PPME1: variants seen among roughly 807,000 people sequenced by gnomAD.
The protein encoded by PPME1 is protein phosphatase methylesterase 1.
In PPME1, 17 loss-of-function variants were observed where a neutral mutation model predicts 56.9. The ratio of observed to expected loss-of-function variants is 0.30; its 90% CI spans 0.20 to 0.45. The LOEUF (loss-of-function observed/expected upper bound fraction) is 0.45. Among genes scored for constraint, PPME1 ranks in the 20% least tolerant of loss-of-function variants. The pLI, the probability that PPME1 is intolerant of heterozygous loss-of-function variation, is 1.00. For synonymous variants in PPME1, 122 were observed against 156.2 expected (o/e 0.78, Z 1.63); for missense variants, 357 against 483.2 (o/e 0.74, Z 2.45).
chr11:74,224,343 G>A (rs1858879097), intron 4 of PPME1, among the ~76,000 whole-genome samples: 1 of 137,512 alleles, frequency 7.3e-6, no homozygotes, highest in African/African-American at 3.0e-5. Context: ...TTTGGTTACT[G>A]TAGCCTTGTA....
At position 74,171,415 on chromosome 11, in the gene PPME1, C is replaced by T. The variant is rs952840443; in HGVS notation, c.-7C>T. The T allele has an allele frequency of 6.2e-7, 1 of 1,609,090 alleles. No individual in the cohort carries two copies. The highest frequency in any genetic ancestry group is 1.3e-5 in the African/African-American group (1 of 74,962). ...CTGTTTGACTACGTGCGTGCAGCCT[C>T]CCCTCGATGTCGGCCCTCGAAAAGA... On this transcript the variant is annotated 5_prime_UTR_variant, in exon 1 of 14. Coordinates refer to ENST00000328257, the MANE Select transcript of PPME1 (RefSeq NM_016147.3).
chr11:74,247,373 G>A, intron 11 of PPME1: 4 of 419,982 alleles, frequency 9.5e-6, no homozygotes, highest in Admixed American at 8.2e-5. Context: ...CTATGTCTCA[G>A]TTATAAGAGT....
chr11:74,239,155 G>A lies in PPME1; in HGVS notation c.733G>A (p.Glu245Lys). 6.2e-7 allele frequency: 1 copy of A among 1,613,568 alleles called. No individual in the cohort carries two copies. Among genetic ancestry groups the A allele is most frequent in the Non-Finnish European group, 8.5e-7 (1 of 1,179,688 alleles). Residue 245 changes from glutamate (E) to lysine (K), a missense_variant, in exon 9 of 14, where the codon GAA becomes AAA. This residue lies in a region of PPME1 where 182 missense variants were observed against 293.8 expected (regional missense o/e 0.62). Transcript: ENST00000328257. ...VKQCEGITSP[E>K]GSKSIVEGII... ...TAGGTGTGAAGGAATTACAAGTCCA[G>A]AAGGCTCAAAATCTATAGTGGAAGG...
At chr11:74,175,601 C>T (rs1467233442) in intron 1 of PPME1, among the ~76,000 whole-genome samples, 1 of 151,692 alleles carries the variant, frequency 6.6e-6, no homozygotes, top group Non-Finnish European at 1.5e-5. Context: ...GGCTGAAGTA[C>T]AGTGGCTTTT....
intron 1 of PPME1, among the ~76,000 whole-genome samples, chr11:74,190,569 C>G (rs1857808571): frequency 6.6e-6 from 1 of 152,202 alleles, no homozygotes; most frequent in Non-Finnish European, 1.5e-5. Flanking sequence ...ATCAATTACC[C>G]AGCCTCAAGT....
At chr11:74,214,675 A>T (rs1290020813) in intron 3 of PPME1, among the ~76,000 whole-genome samples, 2 of 144,760 alleles carry the variant, frequency 1.4e-5, no homozygotes, top group African/African-American at 5.4e-5. Flanking sequence ...TAACATATTT[A>T]AAATGCTGAA....
Position 74,250,978 on chromosome 11 carries a change from C to G in PPME1, c.1034C>G (p.Pro345Arg). The G allele has an allele frequency of 6.2e-7, 1 of 1,602,056 alleles. No homozygotes were observed. Among genetic ancestry groups the G allele is most frequent in the Non-Finnish European group, 8.5e-7 (1 of 1,174,300 alleles). The change falls in exon 12 of 14, where the codon CCC becomes CGC. Residue 345 changes from proline (P) to arginine (R), a missense_variant. Around this residue, in one of 2 missense-constraint regions of PPME1, gnomAD observed 182 missense variants for 293.8 expected, o/e 0.62. Coordinates refer to ENST00000328257, the MANE Select transcript of PPME1 (RefSeq NM_016147.3). ...MQGKFQMQVL[P>R]QCGHAVHEDA... ...GGGAAGTTCCAGATGCAGGTCCTAC[C>G]CCAGTGTGGCCATGCAGTCCATGAG...
chr11:74,180,128 C>G (rs1591013500), intron 1 of PPME1, among the ~76,000 whole-genome samples: 1 of 152,134 alleles, frequency 6.6e-6, no homozygotes, highest in Admixed American at 6.5e-5. Context: ...TTCCTCCTTC[C>G]CTTTCTCCCC....
intron 1 of PPME1, among the ~76,000 whole-genome samples, chr11:74,177,672 C>G (rs932110094): frequency 9.9e-5 from 15 of 151,988 alleles, no homozygotes; most frequent in African/African-American, 3.6e-4. Flanking sequence ...CACAAATAAA[C>G]TTTCTAATCC....
intron 1 of PPME1, among the ~76,000 whole-genome samples, chr11:74,176,733 T>C (rs1376058325): frequency 2.1e-5 from 3 of 146,310 alleles, no homozygotes. Flanking sequence ...TTTTTTTTTT[T>C]TTTTTTTTTT....
chr11:74,179,492 C>G (rs1203354416), intron 1 of PPME1, among the ~76,000 whole-genome samples: 1 of 152,196 alleles, frequency 6.6e-6, no homozygotes, highest in Non-Finnish European at 1.5e-5. Context: ...GAGACCCTAT[C>G]TCTAAAAATA....
At position 74,224,470 on chromosome 11, in the gene PPME1, A is replaced by G. The variant is rs1356923587; in HGVS notation, c.347-735A>G. 3.9e-3 allele frequency among the ~76,000 whole-genome samples: 474 copies of G among 121,788 alleles called. 2 individuals carry two copies. Among genetic ancestry groups the G allele is most frequent in the Non-Finnish European group, 6.3e-3 (388 of 61,492 alleles). The allele number at this position is 121,788 out of a possible 152,430, so 79.9% of individuals were successfully genotyped here. A position where few individuals can be genotyped will look rare whatever the true frequency, so the allele number is the denominator to read the frequency against. ...ATGAACTTTAAAGTAGTTTTTTCCA[A>G]TTCTGTGAAGAAAGTCATTGGTAGC... On this transcript the variant is annotated intron_variant, in intron 4 of 13. Coordinates refer to ENST00000328257, the MANE Select transcript of PPME1 (RefSeq NM_016147.3).
In PPME1 at chr11:74,171,469, C is replaced by T. The variant is rs1014706627; in HGVS notation, c.48C>T (p.Arg16=). Residue 16 remains arginine (R), a synonymous_variant, in exon 1 of 14, where the codon CGC becomes CGT. Coordinates refer to ENST00000328257, the MANE Select transcript of PPME1 (RefSeq NM_016147.3). ...KSMHLGRLPS[R]PPLPGSGGSQ... is the part of the protein sequence containing the mutation. ...TGCACCTCGGCCGCCTTCCCTCTCG[C>T]CCACCTCTACCCGGCAGCGGGGGCA... 3 of 1,613,434 alleles carry T rather than the reference C, an allele frequency of 1.9e-6. No individual in the cohort carries two copies. In the South Asian group the frequency reaches 3.3e-5, roughly 18 times the overall value.
intron 3 of PPME1, among the ~76,000 whole-genome samples, chr11:74,213,642 C>G (rs1197881746): frequency 6.6e-6 from 1 of 152,162 alleles, no homozygotes; most frequent in African/African-American, 2.4e-5. Context: ...AGAGAGAGAC[C>G]CCATTTATTT....
At chr11:74,251,808 C>T (rs781769502) in intron 13 of PPME1, 93 bp downstream of exon 13, 1 of 1,515,400 alleles carries the variant, frequency 6.6e-7, no homozygotes, top group South Asian at 1.1e-5. Context: ...TGCCTTACCC[C>T]TGCCTGGTTT....
chr11:74,175,156 A>C (rs761934765), intron 1 of PPME1, among the ~76,000 whole-genome samples: 2 of 152,324 alleles, frequency 1.3e-5, no homozygotes, highest in East Asian at 3.9e-4. Flanking sequence ...TATTAGAGGA[A>C]CTATAAAATA....
chr11:74,232,600 C>T (rs1343454965), intron 7 of PPME1, among the ~76,000 whole-genome samples: 1 of 152,088 alleles, frequency 6.6e-6, no homozygotes, highest in African/African-American at 2.4e-5. Flanking sequence ...TGCCTGCTTC[C>T]GCAGTAACAA....
chr11:74,177,588 G>A (rs1857433027), intron 1 of PPME1, among the ~76,000 whole-genome samples: 1 of 151,996 alleles, frequency 6.6e-6, no homozygotes, highest in African/African-American at 2.4e-5. Flanking sequence ...TTATTAATAT[G>A]TTTTGATGGG....
chr11:74,230,479 T>A lies in PPME1; in HGVS notation c.553+80T>A. 1.4e-6 allele frequency: 2 copies of A among 1,467,794 alleles called. No homozygotes were observed. The highest frequency in any genetic ancestry group is 1.9e-6 in the Non-Finnish European group (2 of 1,065,074). 90.9% of individuals were successfully genotyped at this position (1,467,794 alleles called of 1,614,324 possible). ...GGTAGATTATTACCTTGTCTTAGTT[T>A]ATTGTTGATTTCATTCATCTTGAAA... On this transcript the variant is annotated intron_variant, in intron 6 of 13. Transcript: ENST00000328257. This position sits in a 1 kb window ranked among gnomAD's most constrained non-coding sequence, Gnocchi z 4.9.
Sources: allele counts gnomAD v4.1 joint callset (sites outside exome capture counted in the v4.1 genomes callset), GRCh38; gene constraint gnomAD v4.1.1; regional missense constraint gnomAD v4.1.1; non-coding constraint Gnocchi (gnomAD v3.1); transcripts MANE v1.5; gene names NCBI Gene and HGNC (gene_info 2026-07-23, HGNC 2026-07-21).